Variants in OPRM1 observed in about 807,000 individuals in gnomAD.
The protein encoded by OPRM1 is opioid receptor mu 1.
A neutral mutation model predicts 31.8 loss-of-function variants in OPRM1; 27 were observed. The ratio of observed to expected loss-of-function variants is 0.85; its 90% confidence interval spans 0.63 to 1.17. OPRM1 has a LOEUF of 1.17. Ranked by LOEUF, OPRM1 falls within the 50% of genes most tolerant of loss-of-function variation. The pLI is 0.00. For synonymous variants in OPRM1, 196 were observed against 189.9 expected, an observed-to-expected ratio of 1.03 and a Z score of -0.26; for missense variants, 536 against 511.1, an observed-to-expected ratio of 1.05 and a Z score of -0.47.
At chr6:154,097,744 T>A (rs1489887375) in intron 3 of OPRM1, among the ~76,000 whole-genome samples, 2 of 152,214 alleles carry the variant, frequency 1.3e-5, no homozygotes, top group East Asian at 3.8e-4. Context: ...GAGAAAATGT[T>A]GTTTAGTTAA....
At chr6:154,020,464 A>G (rs1211882779) in intron 1 of OPRM1, among the ~76,000 whole-genome samples, 2 of 152,218 alleles carry the variant, frequency 1.3e-5, no homozygotes, top group African/African-American at 4.8e-5. Context: ...ATCCTGATAG[A>G]CCAAAATCAC....
Position 154,193,334 on chromosome 6 carries a change from G to A in OPRM1, c.1165-53359G>A, listed in dbSNP as rs530889913. On this transcript the variant is annotated intron_variant, in intron 3 of 3. Coordinates refer to the OPRM1 transcript ENST00000337049. ...CTAAGCTATGAGGATGCAAAGGCAC[G>A]ATAAAATAGACTTTGGGGACTCGGG... Among the ~76,000 whole-genome samples the A allele has an allele frequency of 7.2e-5, 11 of 152,218 alleles. No individual in the cohort carries two copies. The South Asian group carries it at 8.3e-4, about 11-fold the overall frequency.
chr6:154,146,782 G>A (rs1232127230), intron 3 of OPRM1, among the ~76,000 whole-genome samples: 4 of 152,166 alleles, frequency 2.6e-5, no homozygotes, highest in South Asian at 2.1e-4. Context: ...GAGCCATGCC[G>A]AGGGGTGGGT....
intron 3 of OPRM1, among the ~76,000 whole-genome samples, chr6:154,146,332 G>A (rs183097340): frequency 2.6e-5 from 4 of 152,304 alleles, no homozygotes; most frequent in Admixed American, 1.3e-4. Flanking sequence ...CCTGGGAGTC[G>A]GAGGTTGCAG....
downstream of OPRM1, among the ~76,000 whole-genome samples, chr6:154,133,482 G>A (rs936820913): frequency 2.0e-5 from 3 of 152,222 alleles, no homozygotes; most frequent in African/African-American, 7.2e-5. Context: ...TGATCATAAT[G>A]CTAGTGTGTG....
At chr6:154,169,461 C>A (rs1799699675) in intron 3 of OPRM1, among the ~76,000 whole-genome samples, 1 of 152,176 alleles carries the variant, frequency 6.6e-6, no homozygotes, top group Non-Finnish European at 1.5e-5. Flanking sequence ...TAAACCCATG[C>A]AAGTCGACAA....
chr6:154,101,137 C>A (rs1794772724), intron 3 of OPRM1, among the ~76,000 whole-genome samples: 1 of 151,896 alleles, frequency 6.6e-6, no homozygotes, highest in African/African-American at 2.4e-5. Context: ...ACGTTGACAA[C>A]CAGAAAATTC....
chr6:154,063,145 A>G (rs17181080), intron 1 of OPRM1, among the ~76,000 whole-genome samples: 6 of 152,054 alleles, frequency 3.9e-5, no homozygotes, highest in African/African-American at 1.4e-4. Flanking sequence ...CACAATGCTA[A>G]CAATGTTAAA....
intron 3 of OPRM1, among the ~76,000 whole-genome samples, chr6:154,177,549 C>A (rs910328016): frequency 6.6e-6 from 1 of 152,210 alleles, no homozygotes; most frequent in African/African-American, 2.4e-5. Flanking sequence ...TGCTGATCAT[C>A]ACTGGTCATC....
At chr6:154,075,361 T>TG (rs1388094599) in intron 1 of OPRM1, among the ~76,000 whole-genome samples, 3 of 152,230 alleles carry the variant, frequency 2.0e-5, no homozygotes, top group Admixed American at 1.3e-4. Flanking sequence ...TAAAAAGAAC[T>TG]GGCATTTTTC....
chr6:154,198,631 T>TACACACACACACACACAC (rs3070838), intron 3 of OPRM1, among the ~76,000 whole-genome samples: 7 of 146,804 alleles, frequency 4.8e-5, no homozygotes, highest in Admixed American at 3.4e-4. Flanking sequence ...AAATATTACA[T>TACACACACACACACACAC]ACACACACAC....
chr6:154,140,168 C>T (rs115544268), intron 3 of OPRM1, among the ~76,000 whole-genome samples: 1,615 of 152,300 alleles, frequency 0.011, 26 homozygotes, highest in African/African-American at 0.038. Flanking sequence ...CAGACACTGA[C>T]AGTCTGTCAT....
intron 3 of OPRM1, 72 bp from the exon 4 acceptor site, chr6:154,118,611 A>C (rs929369166): frequency 6.9e-7 from 1 of 1,447,108 alleles, no homozygotes; most frequent in Non-Finnish European, 9.7e-7. Context: ...TTACGAGCAG[A>C]AGATGCTCAA....
chr6:154,105,031 A>G (rs1472897746), intron 3 of OPRM1, among the ~76,000 whole-genome samples: 1 of 152,234 alleles, frequency 6.6e-6, no homozygotes, highest in Non-Finnish European at 1.5e-5. Flanking sequence ...TATTGGCTTT[A>G]TAAGTCAAGT....
intron 1 of OPRM1, among the ~76,000 whole-genome samples, chr6:154,029,380 C>A (rs567855165): frequency 4.2e-4 from 64 of 152,180 alleles, no homozygotes; most frequent in Non-Finnish European, 5.4e-4. Context: ...TGGTTCAGGA[C>A]AAATCTTGAA....
At chr6:154,100,103 ATATATATTATATATTAT>A (rs1794470231) in intron 3 of OPRM1, among the ~76,000 whole-genome samples, 1 of 57,656 alleles carries the variant, frequency 1.7e-5, no homozygotes, top group Non-Finnish European at 3.2e-5. Context: ...ATATTATGAT[ATATATATTATATATTAT>A]CATATTATGA....
intron 3 of OPRM1, among the ~76,000 whole-genome samples, chr6:154,100,039 T>TATGATATATATCATATTATATATATC (rs1794391615): frequency 4.7e-5 from 4 of 84,960 alleles, no homozygotes; most frequent in Admixed American, 1.4e-4. Context: ...TATATTATCA[T>TATGATATATATCATATTATATATATC]ATGATATATA....
At chr6:154,193,049 CGAA>C (rs1040419228) in intron 3 of OPRM1, among the ~76,000 whole-genome samples, 4 of 152,242 alleles carry the variant, frequency 2.6e-5, no homozygotes, top group African/African-American at 9.6e-5. Flanking sequence ...AGTCATTATA[CGAA>C]GAAGGATACT....
rs1037832768 is a variant in OPRM1, at chr6:154,124,822, T to C, written c.*6101T>C. Among the ~76,000 whole-genome samples the C allele has an allele frequency of 1.3e-5, 2 of 152,220 alleles. No individual in the cohort carries two copies. Among genetic ancestry groups the C allele is most frequent in the East Asian group, 3.8e-4 (2 of 5,204 alleles). On this transcript the variant is annotated 3_prime_UTR_variant, in exon 4 of 4. Coordinates refer to ENST00000330432, the MANE Select transcript of OPRM1 (RefSeq NM_000914.5). ...CTTACTCATATTAACCATTCTACCA[T>C]TGGAATTATTTGCCAACACACCTTG...
Sources: gnomAD v4.1 joint callset for allele counts (sites outside exome capture counted in the v4.1 genomes callset) on GRCh38, gnomAD v4.1.1 for gene constraint, MANE v1.5 for transcripts, NCBI Gene and HGNC (gene_info 2026-07-23, HGNC 2026-07-21) for gene names.